The following SETBP1 variants were observed in gnomAD, a reference collection of about 807,000 sequenced individuals.
The protein encoded by SETBP1 is SET-binding protein.
Under a neutral mutation model 101.0 loss-of-function variants are expected in SETBP1, and 9 were observed. The observed-to-expected ratio is 0.09, with a 90% CI of 0.05 to 0.16. The LOEUF (loss-of-function observed/expected upper bound fraction) is 0.16, where lower values mean the gene tolerates loss of function less well. Ranked by LOEUF, SETBP1 falls within the 10% of genes least tolerant of loss-of-function variation. The pLI, the probability that SETBP1 is intolerant of heterozygous loss-of-function variation, is 1.00. For synonymous variants in SETBP1, 818 were observed against 788.5 expected (o/e 1.04, Z -0.63); for missense variants, 1,858 against 2,033.8 (o/e 0.91, Z 1.66).
chr18:44,966,551 A>G (rs2071724897), intron 4 of SETBP1, among the ~76,000 whole-genome samples: 1 of 152,048 alleles, frequency 6.6e-6, no homozygotes, highest in East Asian at 1.9e-4. Context: ...ATTCACCCAA[A>G]TCAAATTTGA....
At chr18:44,804,820 C>A (rs1271783158) in intron 2 of SETBP1, among the ~76,000 whole-genome samples, 1 of 152,112 alleles carries the variant, frequency 6.6e-6, no homozygotes, top group East Asian at 1.9e-4. Context: ...TCTGATAGAG[C>A]TTGCATCGTT....
At chr18:44,875,527 CAAAAA>C (rs10645515) in intron 3 of SETBP1, among the ~76,000 whole-genome samples, 2 of 61,610 alleles carry the variant, frequency 3.2e-5, no homozygotes, top group Admixed American at 2.3e-4. Flanking sequence ...GACTCCATCT[CAAAAA>C]AAAAAAAAAA....
intron 4 of SETBP1, among the ~76,000 whole-genome samples, chr18:44,975,604 A>T (rs1439456591): frequency 6.6e-6 from 1 of 152,008 alleles, no homozygotes; most frequent in Non-Finnish European, 1.5e-5. Flanking sequence ...GTGTTCTGTG[A>T]AAAAAAAGAG....
chr18:44,827,920 A>C (rs958663431), intron 2 of SETBP1, among the ~76,000 whole-genome samples: 1 of 152,224 alleles, frequency 6.6e-6, no homozygotes, highest in African/African-American at 2.4e-5. Flanking sequence ...ATGGCCAACC[A>C]GTGCCTATTC....
At chr18:44,975,003 T>C (rs2071954697) in intron 4 of SETBP1, among the ~76,000 whole-genome samples, 1 of 152,216 alleles carries the variant, frequency 6.6e-6, no homozygotes, top group Admixed American at 6.5e-5. Context: ...TGAAATCTGA[T>C]TTGACCAACA....
intron 3 of SETBP1, among the ~76,000 whole-genome samples, chr18:44,915,002 A>C (rs981603383): frequency 2.0e-5 from 3 of 152,198 alleles, no homozygotes; most frequent in African/African-American, 7.2e-5. Flanking sequence ...AAAATTTACT[A>C]AGTTAATGGT....
chr18:44,810,803 T>TA (rs1023704347), intron 2 of SETBP1, among the ~76,000 whole-genome samples: 2 of 152,146 alleles, frequency 1.3e-5, no homozygotes, highest in Non-Finnish European at 2.9e-5. Flanking sequence ...TCAGAAATAT[T>TA]AAAAAAGAGA....
chr18:45,019,896 G>A (rs2073021992), intron 4 of SETBP1, among the ~76,000 whole-genome samples: 1 of 151,980 alleles, frequency 6.6e-6, no homozygotes, highest in South Asian at 2.1e-4. Context: ...TATTTCCAGT[G>A]GCCATGGGAA....
chr18:44,975,481 A>G (rs1271128990), intron 4 of SETBP1, among the ~76,000 whole-genome samples: 3 of 152,224 alleles, frequency 2.0e-5, no homozygotes, highest in Non-Finnish European at 4.4e-5. Flanking sequence ...TTCGATACTC[A>G]GTGAACTCAA....
At chr18:45,060,733 G>T (rs533888488) in intron 5 of SETBP1, among the ~76,000 whole-genome samples, 42 of 152,180 alleles carry the variant, frequency 2.8e-4, no homozygotes, top group African/African-American at 9.6e-4. Flanking sequence ...TCTGCTATCT[G>T]CTAGGTTTCT....
rs747388683 is a variant in SETBP1, at chr18:44,701,456, C to A, written c.110C>A (p.Pro37His). The change falls in exon 2 of 6, where the codon CCT becomes CAT. Residue 37 changes from proline to histidine, a missense_variant. Physicochemically the swap from Pro to His is moderately conservative, Grantham distance 77. This residue lies in a region of SETBP1 where 97 missense variants were observed against 101.2 expected (regional missense o/e 0.96). Transcript: ENST00000649279. ...PPAAPGCAGE[P>H]LLSTPGPGKG... The stretch of plus-strand genomic sequence containing the variant: ...GCTGCTCCTGGCTGTGCAGGAGAAC[C>A]TTTGCTCTCCACTCCAGGACCTGGG... The A allele has an allele frequency of 1.9e-6, 3 of 1,612,908 alleles. No individual in the cohort carries two copies. The Admixed American group carries it at 5.0e-5, about 27-fold the overall frequency.
rs755459613 is a variant in SETBP1 at position 45,038,510 on chromosome 18, G to A, written c.4026G>A (p.Val1342=). 2 of 1,614,146 alleles carry A rather than the reference G, an allele frequency of 1.2e-6. No individual in the cohort carries two copies. Among genetic ancestry groups the A allele is most frequent in the Non-Finnish European group, 8.5e-7 (1 of 1,180,014 alleles). ...SPGMPSPHLK[V]DQTAVHSKNE... ...GGATGCCAAGTCCCCACTTAAAAGTGGACCAGACAGCAGTGCATAGTAAGA... is the reference window on the plus strand; with the variant it reads ...GGATGCCAAGTCCCCACTTAAAAGTAGACCAGACAGCAGTGCATAGTAAGA... The change falls in exon 5 of 6, where the codon GTG becomes GTA. Residue 1342 remains valine (V), a synonymous_variant. Coordinates refer to ENST00000649279, the MANE Select transcript of SETBP1 (RefSeq NM_015559.3).
chr18:44,765,812 C>T (rs1479304398), intron 2 of SETBP1, among the ~76,000 whole-genome samples: 4 of 152,192 alleles, frequency 2.6e-5, no homozygotes, highest in Non-Finnish European at 5.9e-5. Flanking sequence ...AACAAGCACC[C>T]ATGAAGCATC....
At chr18:45,033,988 A>C (rs2073346903) in intron 4 of SETBP1, among the ~76,000 whole-genome samples, 2 of 152,238 alleles carry the variant, frequency 1.3e-5, no homozygotes, top group South Asian at 4.1e-4. Flanking sequence ...GATATAAAGT[A>C]GATAACTAGC....
At chr18:44,737,874 G>T (rs1314178241) in intron 2 of SETBP1, among the ~76,000 whole-genome samples, 1 of 152,164 alleles carries the variant, frequency 6.6e-6, no homozygotes, top group Non-Finnish European at 1.5e-5. Flanking sequence ...ACGTCAGCAG[G>T]GAGACAGACA....
intron 2 of SETBP1, among the ~76,000 whole-genome samples, chr18:44,812,499 A>G (rs1181386047): frequency 6.6e-6 from 1 of 152,162 alleles, no homozygotes; most frequent in Non-Finnish European, 1.5e-5. Flanking sequence ...ATTTTATTAA[A>G]TGAACAATAA....
intron 3 of SETBP1, among the ~76,000 whole-genome samples, chr18:44,940,831 T>A (rs1467543531): frequency 1.3e-5 from 2 of 152,224 alleles, no homozygotes; most frequent in African/African-American, 2.4e-5. Context: ...TTCATGTAGA[T>A]CTCAGTTTCC....
At chr18:44,752,022 C>A (rs1296726472) in intron 2 of SETBP1, among the ~76,000 whole-genome samples, 1 of 152,108 alleles carries the variant, frequency 6.6e-6, no homozygotes, top group Non-Finnish European at 1.5e-5. Context: ...ACCTTGACTA[C>A]CTCTCAAAGG....
chr18:44,850,972 C>T (rs1238570377), intron 2 of SETBP1, among the ~76,000 whole-genome samples: 1 of 152,158 alleles, frequency 6.6e-6, no homozygotes, highest in East Asian at 1.9e-4. Flanking sequence ...CAAGGAGCTC[C>T]CAGTCTCCTA....
Sources: gnomAD v4.1 joint callset for allele counts (sites outside exome capture counted in the v4.1 genomes callset) on GRCh38, gnomAD v4.1.1 for gene constraint, gnomAD v4.1.1 regional missense constraint, MANE v1.5 for transcripts, NCBI Gene and HGNC (gene_info 2026-07-23, HGNC 2026-07-21) for gene names.